EXT1: variants seen among roughly 807,000 people sequenced by gnomAD.
EXT1 encodes the protein exostosin glycosyltransferase 1, also known as exostosin-1.
Under a neutral mutation model 82.5 loss-of-function variants are expected in EXT1, and 20 were observed. That is an observed-to-expected ratio of 0.24 (90% CI 0.17 to 0.35). The LOEUF (loss-of-function observed/expected upper bound fraction) is 0.35. EXT1 is among the 10% of genes least tolerant of loss of function. The pLI, the probability that EXT1 is intolerant of heterozygous loss-of-function variation, is 1.00. For missense variants in EXT1, 757 were observed against 936.5 expected (o/e 0.81, Z 2.50); for synonymous variants, 348 against 350.8 (o/e 0.99, Z 0.09).
chr8:117,906,429 C>A (rs1813545451), intron 1 of EXT1, among the ~76,000 whole-genome samples: 1 of 152,130 alleles, frequency 6.6e-6, no homozygotes, highest in African/African-American at 2.4e-5. Flanking sequence ...AATTTAGGAA[C>A]CCTTAGAATT....
chr8:117,966,596 TG>T (rs1814816300), intron 1 of EXT1, among the ~76,000 whole-genome samples: 1 of 152,194 alleles, frequency 6.6e-6, no homozygotes, highest in Non-Finnish European at 1.5e-5. Flanking sequence ...ATACTAAGTC[TG>T]GCGTATCCCC....
chr8:117,875,233 G>A (rs574982395), intron 1 of EXT1, among the ~76,000 whole-genome samples: 4 of 152,014 alleles, frequency 2.6e-5, no homozygotes, highest in East Asian at 3.9e-4. Flanking sequence ...CCTGACCAAC[G>A]TGCTGAAACC....
intron 1 of EXT1, among the ~76,000 whole-genome samples, chr8:117,905,515 C>CA (rs1449105716): frequency 6.6e-6 from 1 of 151,868 alleles, no homozygotes; most frequent in Non-Finnish European, 1.5e-5. Flanking sequence ...GAGACTGTCT[C>CA]AAAAAAACCA....
In EXT1 at chr8:117,858,762, AAGGAAGGC is replaced by A. The variant is rs1171357811; in HGVS notation, c.963-21569_963-21562del. Among the ~76,000 whole-genome samples the A allele has an allele frequency of 8.2e-3, 412 of 50,082 alleles. 5 individuals carry two copies. Among genetic ancestry groups the A allele is most frequent in the South Asian group, 0.019 (25 of 1,286 alleles). 32.9% of individuals were successfully genotyped at this position (50,082 alleles called of 152,430 possible). A position where few individuals can be genotyped will look rare whatever the true frequency, so the allele number is the denominator to read the frequency against. ...GAAGGAAGGAAGGAAGGAAGGAAGG[AAGGAAGGC>A]AGGCAGGCAGGCAGGCAGGCAAGGC... On this transcript the variant is annotated intron_variant, in intron 1 of 10. Transcript: ENST00000378204.
intron 1 of EXT1, among the ~76,000 whole-genome samples, chr8:118,005,912 G>T (rs1164343338): frequency 6.6e-6 from 1 of 152,174 alleles, no homozygotes; most frequent in Non-Finnish European, 1.5e-5. Flanking sequence ...CGGCTTACAA[G>T]AAGTGTCCAT....
chr8:118,012,932 T>G (rs909751317), intron 1 of EXT1, among the ~76,000 whole-genome samples: 1 of 152,190 alleles, frequency 6.6e-6, no homozygotes, highest in Non-Finnish European at 1.5e-5. Context: ...CTATCGTTAG[T>G]AAGGCAACTA....
At chr8:118,031,300 C>A (rs1217100936) in intron 1 of EXT1, among the ~76,000 whole-genome samples, 1 of 152,084 alleles carries the variant, frequency 6.6e-6, no homozygotes, top group Non-Finnish European at 1.5e-5. Context: ...GTGGGCGGAT[C>A]ACCAGAGGTC....
At chr8:117,904,756 T>C (rs1231097021) in intron 1 of EXT1, among the ~76,000 whole-genome samples, 2 of 151,520 alleles carry the variant, frequency 1.3e-5, no homozygotes, top group African/African-American at 2.4e-5. Context: ...TCCAAGAGAA[T>C]GCTTTAGCTG....
At chr8:118,006,836 T>C (rs1244401775) in intron 1 of EXT1, among the ~76,000 whole-genome samples, 1 of 152,156 alleles carries the variant, frequency 6.6e-6, no homozygotes, top group Non-Finnish European at 1.5e-5. Flanking sequence ...GAGAACACTC[T>C]CTCCATGAAA....
At chr8:117,930,152 G>C (rs1231490872) in intron 1 of EXT1, among the ~76,000 whole-genome samples, 1 of 151,744 alleles carries the variant, frequency 6.6e-6, no homozygotes, top group Non-Finnish European at 1.5e-5. Context: ...TTTGCCAAAT[G>C]GGTGATCTTG....
intron 1 of EXT1, among the ~76,000 whole-genome samples, chr8:117,912,869 A>G (rs1440688234): frequency 1.3e-5 from 2 of 152,208 alleles, no homozygotes; most frequent in South Asian, 4.1e-4. Context: ...TTGGTGCATA[A>G]GAACTAAATA....
At chr8:118,084,313 CT>C (rs746437991) in intron 1 of EXT1, among the ~76,000 whole-genome samples, 1 of 152,198 alleles carries the variant, frequency 6.6e-6, no homozygotes, top group Non-Finnish European at 1.5e-5. Context: ...ATGCTACCTC[CT>C]GGGATCAACT....
intron 4 of EXT1, among the ~76,000 whole-genome samples, chr8:117,826,711 A>T (rs1002626594): frequency 6.6e-6 from 1 of 152,154 alleles, no homozygotes; most frequent in Non-Finnish European, 1.5e-5. Context: ...GTTACAATCC[A>T]ATCTTGGAAC....
chr8:117,975,631 G>A (rs746554782), intron 1 of EXT1, among the ~76,000 whole-genome samples: 10 of 151,634 alleles, frequency 6.6e-5, no homozygotes, highest in Non-Finnish European at 1.0e-4. Flanking sequence ...TCTAACATGC[G>A]GGGCAATGCT....
chr8:117,957,799 G>A (rs999476399), intron 1 of EXT1, among the ~76,000 whole-genome samples: 1 of 152,132 alleles, frequency 6.6e-6, no homozygotes, highest in African/African-American at 2.4e-5. Flanking sequence ...TTCCTTCTCT[G>A]TGTCCAGTTC....
intron 6 of EXT1, among the ~76,000 whole-genome samples, chr8:117,818,966 TG>T (rs911184611): frequency 6.6e-6 from 1 of 152,164 alleles, no homozygotes; most frequent in African/African-American, 2.4e-5. Context: ...CCAGGCAATG[TG>T]GGAGAAATAA....
At chr8:117,888,041 C>A (rs137856498) in intron 1 of EXT1, among the ~76,000 whole-genome samples, 1 of 151,422 alleles carries the variant, frequency 6.6e-6, no homozygotes, top group Non-Finnish European at 1.5e-5. Flanking sequence ...GCTGAGATCA[C>A]GCCATTGCAC....
chr8:118,082,195 T>C (rs951845116), intron 1 of EXT1, among the ~76,000 whole-genome samples: 3 of 152,322 alleles, frequency 2.0e-5, no homozygotes, highest in Admixed American at 6.5e-5. Context: ...TAAGATACTA[T>C]GCCAGGCCAA....
chr8:117,807,806 T>C (rs1484531445), intron 8 of EXT1, among the ~76,000 whole-genome samples: 1 of 151,908 alleles, frequency 6.6e-6, no homozygotes, highest in Non-Finnish European at 1.5e-5. Context: ...ATACCCAGCA[T>C]ATATCAAAGC....
Sources: allele counts gnomAD v4.1 joint callset (sites outside exome capture counted in the v4.1 genomes callset), GRCh38; gene constraint gnomAD v4.1.1; transcripts MANE v1.5; gene names NCBI Gene and HGNC (gene_info 2026-07-23, HGNC 2026-07-21).